The following SCAMP4 variants were observed in gnomAD, a reference collection of about 807,000 sequenced individuals.
The protein encoded by SCAMP4 is secretory carrier membrane protein 4.
In SCAMP4, 19 loss-of-function variants were observed where a neutral mutation model predicts 32.1. The observed-to-expected ratio is 0.59, with a 90% confidence interval of 0.41 to 0.87. SCAMP4 has a LOEUF of 0.87. Ranked by LOEUF, SCAMP4 falls within the 40% of genes least tolerant of loss-of-function variation. SCAMP4 has a pLI of 0.00. For synonymous variants in SCAMP4, 152 were observed against 132.7 expected (o/e 1.15, Z -1.00); for missense variants, 302 against 309.0 (o/e 0.98, Z 0.17).
rs772378257 is a variant in SCAMP4, at chr19:1,915,007, T to C, written c.-13T>C. 6.2e-7 allele frequency: 1 copy of C among 1,613,868 alleles called. No individual in the cohort carries two copies. The highest frequency in any genetic ancestry group is 1.7e-5 in the Admixed American group (1 of 60,012). On this transcript the variant is annotated 5_prime_UTR_variant, in exon 2 of 7. Transcript: ENST00000316097. ...GCTGCAGGCTTCAGCCTGCGCTGGTTGGTGAAACAGAGATGTCAGGTGAGT... is the reference window on the plus strand; with the variant it reads ...GCTGCAGGCTTCAGCCTGCGCTGGTCGGTGAAACAGAGATGTCAGGTGAGT...
At chr19:1,914,046 C>T (rs574627510) in intron 1 of SCAMP4, among the ~76,000 whole-genome samples, 22 of 152,246 alleles carry the variant, frequency 1.4e-4, no homozygotes, top group Non-Finnish European at 2.8e-4. Flanking sequence ...GCTGGAGGGT[C>T]CCGGATGGGG....
intron 1 of SCAMP4, 23 bp from the exon 2 acceptor site, chr19:1,914,956 G>T: frequency 6.2e-7 from 1 of 1,610,246 alleles, no homozygotes; most frequent in Non-Finnish European, 8.5e-7. Context: ...AGGGTTCCCT[G>T]ACTGTGGTTG....
chr19:1,912,752 C>G, intron 1 of SCAMP4: 3 of 1,550,440 alleles, frequency 1.9e-6, no homozygotes, highest in Non-Finnish European at 1.7e-6. Flanking sequence ...GCGCGGACAA[C>G]CCCCTCCTGC....
At chr19:1,912,497 G>T (rs2013520162) in intron 1 of SCAMP4, 3 of 1,497,172 alleles carry the variant, frequency 2.0e-6, no homozygotes, top group Admixed American at 2.2e-5. Flanking sequence ...GGCCGCCTCT[G>T]ACCAGGGGCC....
chr19:1,922,721 C>T (rs537212098), intron 5 of SCAMP4: 142 of 1,003,006 alleles, frequency 1.4e-4, no homozygotes, highest in South Asian at 4.1e-4. Context: ...TGGTGCCCGC[C>T]GGACTCACTG....
intron 1 of SCAMP4, chr19:1,912,814 C>G (rs201674307): frequency 1.3e-6 from 2 of 1,587,000 alleles, no homozygotes; most frequent in Admixed American, 3.5e-5. Flanking sequence ...GGCCGCGGCA[C>G]CTACGACTTC....
rs773529990 is a variant in SCAMP4, at chr19:1,912,256, G to A, written c.-41-2723G>A. ...TACGCCGCGCCCGTCCTGGACAAGCGCCAGACCTCACGCCTCCTGAAGGAG... is the reference window on the plus strand; with the variant it reads ...TACGCCGCGCCCGTCCTGGACAAGCACCAGACCTCACGCCTCCTGAAGGAG... On this transcript the variant is annotated intron_variant, in intron 1 of 6. Transcript: ENST00000316097. The A allele has an allele frequency of 5.0e-6, 8 of 1,596,992 alleles. No individual in the cohort carries two copies. The Admixed American group carries it at 8.5e-5, about 17-fold the overall frequency.
chr19:1,918,313 C>T (rs560273183), intron 4 of SCAMP4, 30 bp downstream of exon 4: 6 of 1,559,304 alleles, frequency 3.8e-6, no homozygotes, highest in East Asian at 2.3e-5. Context: ...GCCGTCTGCA[C>T]CCAGAGGGAA....
chr19:1,921,589 G>T, intron 5 of SCAMP4: 1 of 985,452 alleles, frequency 1.0e-6, no homozygotes, highest in South Asian at 4.7e-5. Context: ...ATGCTGGCCA[G>T]TGGGAAGCTG....
intron 5 of SCAMP4, 49 bp downstream of exon 5, chr19:1,919,039 C>T (rs759424216): frequency 3.9e-5 from 61 of 1,566,134 alleles, no homozygotes; most frequent in Non-Finnish European, 5.3e-5. Context: ...GCTCAGCTGC[C>T]AGGTTGTGGG....
chr19:1,919,447 C>T (rs2013848169), intron 5 of SCAMP4: 11 of 985,132 alleles, frequency 1.1e-5, no homozygotes, highest in Non-Finnish European at 1.3e-5. Flanking sequence ...TGCCAGGTGC[C>T]CAGAAGTGTT....
At chr19:1,921,351 C>G (rs1011117003) in intron 5 of SCAMP4, 1 of 985,308 alleles carries the variant, frequency 1.0e-6, no homozygotes, top group Non-Finnish European at 1.2e-6. Flanking sequence ...TGGCAGAGGA[C>G]TGGAAACTCC....
At chr19:1,913,269 G>C in intron 1 of SCAMP4, 1 of 1,380,406 alleles carries the variant, frequency 7.2e-7, no homozygotes, top group Non-Finnish European at 9.6e-7. Flanking sequence ...GACACATACC[G>C]CCTCCAGCGG....
At position 1,925,825 on chromosome 19, in the gene SCAMP4, GCC is replaced by G. The variant is rs1278000980; in HGVS notation, c.*1545_*1546del. The G allele has an allele frequency of 1.3e-5, 2 of 152,408 alleles. No individual in the cohort carries two copies. The highest frequency in any genetic ancestry group is 2.9e-5 in the Non-Finnish European group (2 of 68,148). 9.4% of individuals were successfully genotyped at this position (152,408 alleles called of 1,614,324 possible). ...CCATGCTTCAGGGTCTTCAGGTCCTGCCCCCGGCCAGTCTGCCAAGAGGCACC... is the reference window on the plus strand; with the variant it reads ...CCATGCTTCAGGGTCTTCAGGTCCTGCCCGGCCAGTCTGCCAAGAGGCACC... On this transcript the variant is annotated 3_prime_UTR_variant, in exon 7 of 7. Coordinates refer to ENST00000316097, the MANE Select transcript of SCAMP4 (RefSeq NM_079834.4).
intron 1 of SCAMP4, among the ~76,000 whole-genome samples, chr19:1,913,928 G>C (rs1293885585): frequency 6.6e-6 from 1 of 152,196 alleles, no homozygotes; most frequent in Non-Finnish European, 1.5e-5. Context: ...TCCGGCAGGT[G>C]GGGGCTCTGC....
rs771455488 is a variant in SCAMP4 at position 1,917,788 on chromosome 19, G to A, written c.102G>A (p.Gln34=). 1.2e-6 allele frequency: 2 copies of A among 1,613,912 alleles called. No individual in the cohort carries two copies. Among genetic ancestry groups the A allele is most frequent in the Admixed American group, 1.7e-5 (1 of 60,004 alleles). The change falls in exon 3 of 7, where the codon CAG becomes CAA. Residue 34 remains glutamine (Q), a synonymous_variant. Transcript: ENST00000316097. ...NFSDEIPVEH[Q]VLVKRIYRLW... ...CCGACGAGATCCCAGTGGAGCACCA[G>A]GTCCTGGTGAAGAGGATCTACCGGC...
At chr19:1,912,960 G>T in intron 1 of SCAMP4, 1 of 1,610,188 alleles carries the variant, frequency 6.2e-7, no homozygotes, top group South Asian at 1.1e-5. Flanking sequence ...CGTGACCCGC[G>T]AGCCCTGCGC....
At chr19:1,918,834 G>T in intron 4 of SCAMP4, 55 bp from the exon 5 acceptor site, 1 of 1,560,314 alleles carries the variant, frequency 6.4e-7, no homozygotes, top group Non-Finnish European at 8.7e-7. Flanking sequence ...CTCTCTAGGC[G>T]CGTCTGGGAG....
Position 1,918,741 on chromosome 19 carries a change from G to A in SCAMP4, c.294-148G>A, listed in dbSNP as rs1275616206. 2.0e-5 allele frequency: 25 copies of A among 1,242,832 alleles called. No homozygotes were observed. The East Asian group carries it at 3.4e-4, about 17-fold the overall frequency. The allele number at this position is 1,242,832 out of a possible 1,614,324, so 77.0% of individuals were successfully genotyped here. ...CTCGACACTGCTCTCCAGCCTGGGC[G>A]ACAGAGTGAGACTCCATCTCAAAAA... On this transcript the variant is annotated intron_variant, in intron 4 of 6. Coordinates refer to ENST00000316097, the MANE Select transcript of SCAMP4 (RefSeq NM_079834.4).
Sources: allele counts gnomAD v4.1 joint callset (sites outside exome capture counted in the v4.1 genomes callset), GRCh38; gene constraint gnomAD v4.1.1; transcripts MANE v1.5; gene names NCBI Gene and HGNC (gene_info 2026-07-23, HGNC 2026-07-21).